The following NOX3 variants were observed in gnomAD, a reference collection of about 807,000 sequenced individuals.
NOX3 encodes NADPH oxidase 3.
In NOX3, 74 loss-of-function variants were observed where a neutral mutation model predicts 76.7. The observed-to-expected ratio is 0.96, with a 90% CI of 0.80 to 1.17. The LOEUF is 1.17. Ranked by LOEUF, NOX3 falls within the 50% of genes most tolerant of loss-of-function variation. The pLI is 0.00. For missense variants in NOX3, 695 were observed against 703.3 expected (o/e 0.99, Z 0.13); for synonymous variants, 263 against 261.1 (o/e 1.01, Z -0.07).
At chr6:155,440,173 CAAAA>C in intron 5 of NOX3, 36 bp from the exon 6 acceptor site, 1 of 1,392,642 alleles carries the variant, frequency 7.2e-7, no homozygotes, top group East Asian at 2.5e-5. Flanking sequence ...AAGAAACAAA[CAAAA>C]AAAAACACCT....
intron 8 of NOX3, 28 bp from the exon 9 acceptor site, chr6:155,429,075 C>G (rs1347529151): frequency 6.7e-7 from 1 of 1,499,858 alleles, no homozygotes; most frequent in South Asian, 1.4e-5. Flanking sequence ...AGTTGTTTGC[C>G]TTTGTCCTCG....
chr6:155,422,569 G>A, intron 10 of NOX3, 125 bp downstream of exon 10: 2 of 853,742 alleles, frequency 2.3e-6, no homozygotes, highest in Admixed American at 2.6e-5. Context: ...CATAAGTATA[G>A]TTAAGGATCC....
At chr6:155,434,434 G>C (rs1776875186) in intron 7 of NOX3, among the ~76,000 whole-genome samples, 3 of 152,196 alleles carry the variant, frequency 2.0e-5, no homozygotes, top group Admixed American at 2.0e-4. Flanking sequence ...TGGAAAGGGA[G>C]ACTGAGACAA....
intron 10 of NOX3, 121 bp from the exon 11 acceptor site, chr6:155,411,481 G>T (rs1776551413): frequency 1.2e-6 from 1 of 845,984 alleles, no homozygotes; most frequent in Non-Finnish European, 1.7e-6. Flanking sequence ...AAAATAACAT[G>T]CTTTTTTTTG....
At chr6:155,414,623 CTTTTT>C (rs72348061) in intron 10 of NOX3, among the ~76,000 whole-genome samples, 8 of 113,790 alleles carry the variant, frequency 7.0e-5, no homozygotes, top group African/African-American at 1.7e-4. Context: ...TCTTTTCTTT[CTTTTT>C]TTTTTTTTTT....
At chr6:155,453,599 G>A (rs1034030074) in intron 3 of NOX3, 111 bp from the exon 4 acceptor site, 5 of 816,384 alleles carry the variant, frequency 6.1e-6, no homozygotes, top group Non-Finnish European at 1.0e-5. Context: ...CTTAAAGTGG[G>A]GCTATGTGAC....
intron 4 of NOX3, among the ~76,000 whole-genome samples, chr6:155,446,183 T>A (rs996374045): frequency 1.3e-5 from 2 of 151,816 alleles, no homozygotes; most frequent in African/African-American, 4.8e-5. Flanking sequence ...CCCTAGGTGC[T>A]TTGTCAAAAT....
chr6:155,422,624 G>C, intron 10 of NOX3, 70 bp downstream of exon 10: 1 of 1,421,780 alleles, frequency 7.0e-7, no homozygotes, highest in Non-Finnish European at 9.7e-7. Flanking sequence ...CCCAAGAATC[G>C]GCAGATGATA....
intron 7 of NOX3, among the ~76,000 whole-genome samples, chr6:155,433,239 G>A (rs73567334): frequency 0.042 from 6,334 of 152,214 alleles, 160 homozygotes; most frequent in African/African-American, 0.067. Flanking sequence ...CCTTTGCTCC[G>A]GGAGGAAGTA....
rs890898330 is a variant in NOX3 at position 155,445,227 on chromosome 6, C to T, written c.341-1809G>A. Among the ~76,000 whole-genome samples the T allele has an allele frequency of 2.6e-5, 4 of 152,116 alleles. No homozygotes were observed. The East Asian group carries it at 5.8e-4, about 22-fold the overall frequency. ...GTGTGTGAAATGAGAATTCATTGCC[C>T]GGGGTATAGATAATTTCCCAGTTGA... is the stretch of plus-strand genomic sequence containing the variant. On this transcript the variant is annotated intron_variant, in intron 4 of 13. Coordinates refer to ENST00000159060, the MANE Select transcript of NOX3 (RefSeq NM_015718.3).
In NOX3 at chr6:155,411,489, T is replaced by TG. The variant is rs1554263043; in HGVS notation, c.1309-130_1309-129insC. ...CTTCTGCAAAATAACATGCTTTTTT[T>TG]TGTGTGTGTCAGTGAACAAACAGTC... On this transcript the variant is annotated intron_variant, in intron 10 of 13. Coordinates refer to ENST00000159060, the MANE Select transcript of NOX3 (RefSeq NM_015718.3). 2.5e-3 allele frequency: 2,016 copies of TG among 805,416 alleles called. 34 individuals are homozygous for TG. In the African/African-American group the frequency reaches 0.032, roughly 13 times the overall value. The allele number at this position is 805,416 out of a possible 1,614,324, so 49.9% of individuals were successfully genotyped here.
chr6:155,407,532 G>T lies in NOX3; in HGVS notation c.1456-278C>A, dbSNP rs374625595. ...CTAGAAAGAATATTTTCCTTTAAAA[G>T]GATGAAAGTAATATAGTAAATGTGG... On this transcript the variant is annotated intron_variant, in intron 11 of 13. Coordinates refer to ENST00000159060, the MANE Select transcript of NOX3 (RefSeq NM_015718.3). 2.0e-5 allele frequency among the ~76,000 whole-genome samples: 3 copies of T among 152,254 alleles called. No individual in the cohort carries two copies. In the South Asian group the frequency reaches 6.2e-4, roughly 32 times the overall value.
intron 11 of NOX3, among the ~76,000 whole-genome samples, chr6:155,408,915 C>A (rs535239600): frequency 7.0e-6 from 1 of 142,634 alleles, no homozygotes; most frequent in Non-Finnish European, 1.5e-5. Context: ...CACACATGGA[C>A]ATAAAGATGG....
rs573704675 is a variant in NOX3, at chr6:155,455,804, A to G, written c.-4T>C. ...TCAAAATCCAGCACCCCATCATGAT[A>G]CTTGTTGCTCTTCGGCTGTCAGGAA... On this transcript the variant is annotated 5_prime_UTR_variant, in exon 1 of 14. Transcript: ENST00000159060. The G allele has an allele frequency of 2.3e-5, 37 of 1,613,822 alleles. 1 individual carries two copies. The South Asian group carries it at 3.1e-4, about 13-fold the overall frequency.
intron 4 of NOX3, among the ~76,000 whole-genome samples, chr6:155,446,767 C>A (rs1369987351): frequency 6.6e-6 from 1 of 152,086 alleles, no homozygotes; most frequent in African/African-American, 2.4e-5. Context: ...CATTTGGAGT[C>A]CTCATTGTAG....
chr6:155,428,975 A>C lies in NOX3; in HGVS notation c.964T>G (p.Tyr322Asp). The C allele has an allele frequency of 6.2e-7, 1 of 1,613,928 alleles. No homozygotes were observed. Among genetic ancestry groups the C allele is most frequent in the South Asian group, 1.1e-5 (1 of 91,040 alleles). ...KRGFKMAPGQ[Y>D]ILVQCPAISS... ...ATGGCTGGGCACTGCACCAAGATGTACTGCCCTGGCGCCATTTTAAAGCCA... is the reference window on the plus strand; with the variant it reads ...ATGGCTGGGCACTGCACCAAGATGTCCTGCCCTGGCGCCATTTTAAAGCCA... Residue 322 changes from tyrosine (Y) to aspartate (D), a missense_variant, in exon 9 of 14, where the codon TAC becomes GAC. Coordinates refer to ENST00000159060, the MANE Select transcript of NOX3 (RefSeq NM_015718.3).
At chr6:155,442,204 C>T (rs946733024) in intron 5 of NOX3, among the ~76,000 whole-genome samples, 4 of 152,070 alleles carry the variant, frequency 2.6e-5, no homozygotes, top group African/African-American at 7.2e-5. Context: ...GCGGAGCTTG[C>T]AGTGAGCCGT....
At chr6:155,422,904 C>A (rs766127093) in intron 9 of NOX3, 48 bp from the exon 10 acceptor site, 14 of 1,598,010 alleles carry the variant, frequency 8.8e-6, no homozygotes, top group Non-Finnish European at 1.2e-5. Flanking sequence ...GAACACCTTG[C>A]TCGTGAACCC....
intron 10 of NOX3, 113 bp downstream of exon 10, chr6:155,422,581 T>G: frequency 1.0e-6 from 1 of 980,104 alleles, no homozygotes; most frequent in Non-Finnish European, 1.5e-6. Context: ...TAAGGATCCT[T>G]GAGTTTATCC....
Sources: allele counts gnomAD v4.1 joint callset (sites outside exome capture counted in the v4.1 genomes callset), GRCh38; gene constraint gnomAD v4.1.1; transcripts MANE v1.5; gene names NCBI Gene and HGNC (gene_info 2026-07-23, HGNC 2026-07-21).